NPAS3: variants seen among roughly 807,000 people sequenced by gnomAD.
The protein encoded by NPAS3 is neuronal PAS domain protein 3.
Under a neutral mutation model 73.1 loss-of-function variants are expected in NPAS3, and 14 were observed. The ratio of observed to expected loss-of-function variants is 0.19; its 90% CI spans 0.13 to 0.30. The LOEUF (loss-of-function observed/expected upper bound fraction) is 0.30, where lower values mean the gene tolerates loss of function less well. NPAS3 is among the 10% of genes least tolerant of loss of function. NPAS3 has a pLI of 1.00. For synonymous variants in NPAS3, 620 were observed against 541.5 expected, an observed-to-expected ratio of 1.14 and a Z score of -2.01; for missense variants, 1,096 against 1,250.0, an observed-to-expected ratio of 0.88 and a Z score of 1.86.
chr14:33,371,717 A>G (rs754940578), intron 4 of NPAS3, among the ~76,000 whole-genome samples: 1 of 152,182 alleles, frequency 6.6e-6, no homozygotes, highest in African/African-American at 2.4e-5. Context: ...CAAAGAGAAG[A>G]TAAAATATTG....
At chr14:33,232,540 C>T (rs1190008536) in intron 3 of NPAS3, among the ~76,000 whole-genome samples, 1 of 152,074 alleles carries the variant, frequency 6.6e-6, no homozygotes, top group East Asian at 1.9e-4. Context: ...AATTCATTCC[C>T]TTCTTCTGCG....
chr14:33,350,624 T>C (rs2044994632), intron 3 of NPAS3, among the ~76,000 whole-genome samples: 2 of 152,238 alleles, frequency 1.3e-5, no homozygotes, highest in Non-Finnish European at 2.9e-5. Flanking sequence ...ATTAGTTTCA[T>C]GTTACAACTA....
At chr14:33,067,305 G>A (rs376376174) in intron 2 of NPAS3, among the ~76,000 whole-genome samples, 3 of 152,184 alleles carry the variant, frequency 2.0e-5, no homozygotes, top group Non-Finnish European at 1.5e-5. Flanking sequence ...ATTGAGGTTT[G>A]CCATATTTGA....
At chr14:32,954,193 C>A (rs995080720) in intron 1 of NPAS3, among the ~76,000 whole-genome samples, 5 of 152,124 alleles carry the variant, frequency 3.3e-5, no homozygotes, top group African/African-American at 1.2e-4. Context: ...TGATGGAGTA[C>A]ACCAGGTTTG....
chr14:32,965,917 G>T (rs999699684), intron 1 of NPAS3, among the ~76,000 whole-genome samples: 2 of 152,078 alleles, frequency 1.3e-5, no homozygotes, highest in East Asian at 3.8e-4. Context: ...TATAGACCAA[G>T]TGCAAACTAT....
chr14:33,552,557 G>T (rs1241503465), intron 4 of NPAS3, among the ~76,000 whole-genome samples: 1 of 151,434 alleles, frequency 6.6e-6, no homozygotes, highest in Non-Finnish European at 1.5e-5. Flanking sequence ...ACGTGTAACA[G>T]CATATTTGAT....
At chr14:33,606,377 T>C (rs1374932484) in intron 5 of NPAS3, among the ~76,000 whole-genome samples, 1 of 151,812 alleles carries the variant, frequency 6.6e-6, no homozygotes, top group Non-Finnish European at 1.5e-5. Context: ...TCCAATTTCA[T>C]CCATGTCCCT....
intron 9 of NPAS3, among the ~76,000 whole-genome samples, chr14:33,785,441 A>G (rs1304341999): frequency 6.6e-6 from 1 of 151,722 alleles, no homozygotes; most frequent in African/African-American, 2.4e-5. Flanking sequence ...TCTCAAAAAA[A>G]AAAAAAAAAA....
chr14:33,138,318 G>A (rs1462866123), intron 2 of NPAS3, among the ~76,000 whole-genome samples: 3 of 150,802 alleles, frequency 2.0e-5, no homozygotes, highest in Non-Finnish European at 4.4e-5. Flanking sequence ...GAATAAGACT[G>A]ACACATTTAA....
intron 2 of NPAS3, among the ~76,000 whole-genome samples, chr14:33,188,892 G>T (rs551767907): frequency 1.3e-5 from 2 of 152,142 alleles, no homozygotes; most frequent in South Asian, 4.2e-4. Flanking sequence ...TTCCTTTCTG[G>T]TTTAATTTGT....
At chr14:33,375,975 G>T (rs546764709) in intron 4 of NPAS3, among the ~76,000 whole-genome samples, 1 of 152,204 alleles carries the variant, frequency 6.6e-6, no homozygotes, top group African/African-American at 2.4e-5. Context: ...TTTATTTTCT[G>T]TTGAGATTAA....
chr14:33,371,204 T>C (rs761170749), intron 4 of NPAS3, among the ~76,000 whole-genome samples: 25 of 152,262 alleles, frequency 1.6e-4, no homozygotes, highest in Admixed American at 4.6e-4. Context: ...TAGCTAAGGA[T>C]AAATCCTTTA....
chr14:33,630,577 A>G (rs1205519219), intron 5 of NPAS3, among the ~76,000 whole-genome samples: 1 of 152,262 alleles, frequency 6.6e-6, no homozygotes, highest in Non-Finnish European at 1.5e-5. Context: ...GTATTGGCCA[A>G]GAGAGGAAAA....
chr14:33,449,608 C>T (rs1468233493), intron 4 of NPAS3, among the ~76,000 whole-genome samples: 1 of 151,952 alleles, frequency 6.6e-6, no homozygotes, highest in East Asian at 1.9e-4. Context: ...GACACCCACA[C>T]ACACATATAC....
At chr14:33,757,541 G>C (rs918890795) in intron 7 of NPAS3, among the ~76,000 whole-genome samples, 4 of 152,114 alleles carry the variant, frequency 2.6e-5, no homozygotes, top group African/African-American at 9.7e-5. Flanking sequence ...AGAATACGAT[G>C]GGGGAAAAAA....
chr14:33,687,540 G>C (rs1005648023), intron 6 of NPAS3, among the ~76,000 whole-genome samples: 2 of 152,168 alleles, frequency 1.3e-5, no homozygotes, highest in African/African-American at 4.8e-5. Flanking sequence ...ATTGATGTCA[G>C]AGGGAAATCA....
rs137977265 is a variant in NPAS3, at chr14:33,105,403, G to A, written c.140+49409G>A. On this transcript the variant is annotated intron_variant, in intron 2 of 11. Coordinates refer to ENST00000356141, the Ensembl canonical transcript of NPAS3. ...CTACTATGATGGTGGCTGCTCCTAT[G>A]ATCTGCATTTTCTGCTTTTCTGCCT... 2.9e-4 allele frequency among the ~76,000 whole-genome samples: 44 copies of A among 152,266 alleles called. No homozygotes were observed. In the South Asian group the frequency reaches 4.6e-3, roughly 16 times the overall value.
chr14:33,455,830 T>G (rs548712306), intron 4 of NPAS3, among the ~76,000 whole-genome samples: 1 of 152,152 alleles, frequency 6.6e-6, no homozygotes, highest in Non-Finnish European at 1.5e-5. Flanking sequence ...GCCTTTGTTA[T>G]GCATGTACAA....
intron 1 of NPAS3, among the ~76,000 whole-genome samples, chr14:32,944,411 AT>A (rs1429078116): frequency 6.6e-6 from 1 of 152,202 alleles, no homozygotes; most frequent in African/African-American, 2.4e-5. Context: ...ATTAAATATT[AT>A]TCTTTAAATT....
Sources: gnomAD v4.1 joint callset for allele counts (sites outside exome capture counted in the v4.1 genomes callset) on GRCh38, gnomAD v4.1.1 for gene constraint, MANE v1.5 for transcripts, NCBI Gene and HGNC (gene_info 2026-07-23, HGNC 2026-07-21) for gene names.